LRBA: variants seen among roughly 807,000 people sequenced by gnomAD.
LRBA encodes lipopolysaccharide-responsive and beige-like anchor protein.
Under a neutral mutation model 330.0 loss-of-function variants are expected in LRBA, and 176 were observed. That is an observed-to-expected ratio of 0.53 (90% CI 0.47 to 0.60). The LOEUF is 0.60. LRBA is among the 20% of genes least tolerant of loss of function. The pLI, the probability that LRBA is intolerant of heterozygous loss-of-function variation, is 0.00. For synonymous variants in LRBA, 1,230 were observed against 1,193.0 expected (o/e 1.03, Z -0.64); for missense variants, 3,259 against 3,444.8 (o/e 0.95, Z 1.35).
chr4:150,558,320 G>A (rs1234213563), intron 40 of LRBA, among the ~76,000 whole-genome samples: 1 of 152,118 alleles, frequency 6.6e-6, no homozygotes, highest in Admixed American at 6.6e-5. Flanking sequence ...TTCTATAAGG[G>A]AGATTTAACT....
intron 37 of LRBA, among the ~76,000 whole-genome samples, chr4:150,601,766 A>C (rs1774140330): frequency 6.6e-6 from 1 of 151,286 alleles, no homozygotes; most frequent in African/African-American, 2.4e-5. Context: ...ATCTCTGCTC[A>C]CTGCAAGCTC....
intron 40 of LRBA, among the ~76,000 whole-genome samples, chr4:150,506,034 T>C (rs1005216011): frequency 1.3e-5 from 2 of 152,132 alleles, no homozygotes; most frequent in African/African-American, 2.4e-5. Context: ...CAGGAAGAAG[T>C]TGAATCTCTG....
At chr4:150,693,563 CAAAAAAAA>C (rs70941428) in intron 36 of LRBA, among the ~76,000 whole-genome samples, 1 of 52,710 alleles carries the variant, frequency 1.9e-5, no homozygotes, top group Non-Finnish European at 3.5e-5. Flanking sequence ...GACTCCGTCT[CAAAAAAAA>C]AAAAAAAAAA....
intron 37 of LRBA, among the ~76,000 whole-genome samples, chr4:150,659,107 T>C (rs1347164959): frequency 7.3e-6 from 1 of 136,662 alleles, no homozygotes; most frequent in African/African-American, 2.6e-5. Flanking sequence ...CCTCCCAAAG[T>C]GCCGAGATTG....
rs148247749 is a variant in LRBA, at chr4:150,413,697, G to A, written c.7194+1741C>T. On this transcript the variant is annotated intron_variant, in intron 47 of 56. Transcript: ENST00000651943. The stretch of plus-strand genomic sequence containing the variant: ...GAGTGTTCTAAAGCTGGAATGTAGT[G>A]GCAGTTACATAACTGTATACACTTA... Among the ~76,000 whole-genome samples, 627 of 152,200 alleles carry A rather than the reference G, an allele frequency of 4.1e-3. 4 individuals are homozygous for A. The highest frequency in any genetic ancestry group is 0.014 in the African/African-American group (563 of 41,532).
intron 38 of LRBA, chr4:150,597,071 C>T: frequency 7.6e-7 from 1 of 1,317,070 alleles, no homozygotes; most frequent in Non-Finnish European, 1.1e-6. Flanking sequence ...TAAAATATTA[C>T]TCAATGCTTA....
chr4:150,458,489 T>C (rs1754361815), intron 44 of LRBA, among the ~76,000 whole-genome samples: 1 of 151,846 alleles, frequency 6.6e-6, no homozygotes, highest in Non-Finnish European at 1.5e-5. Context: ...CACAGTTTGC[T>C]ACCTAGGATC....
intron 53 of LRBA, among the ~76,000 whole-genome samples, chr4:150,292,315 A>G (rs2126805165): frequency 6.6e-6 from 1 of 152,330 alleles, no homozygotes; most frequent in African/African-American, 2.4e-5. Flanking sequence ...GCAAACTTGT[A>G]GTTACTTTAT....
At chr4:150,747,176 T>C (rs1054844315) in intron 35 of LRBA, among the ~76,000 whole-genome samples, 1 of 152,188 alleles carries the variant, frequency 6.6e-6, no homozygotes, top group African/African-American at 2.4e-5. Flanking sequence ...CTGTTGCTAC[T>C]GTCCCAGGAA....
At chr4:150,626,406 GTTA>G (rs1401644548) in intron 37 of LRBA, among the ~76,000 whole-genome samples, 1 of 152,128 alleles carries the variant, frequency 6.6e-6, no homozygotes, top group Non-Finnish European at 1.5e-5. Context: ...TTAATAGCTT[GTTA>G]TTAAGATGTT....
intron 38 of LRBA, among the ~76,000 whole-genome samples, chr4:150,598,333 C>T (rs759327308): frequency 5.7e-4 from 86 of 151,946 alleles, no homozygotes; most frequent in Admixed American, 8.5e-4. Flanking sequence ...GTATCAAATC[C>T]AAAGGAAATT....
chr4:150,346,757 C>CAAAAAA lies in LRBA; in HGVS notation c.7362+3229_7362+3234dup, dbSNP rs57119340. 2.6e-4 allele frequency among the ~76,000 whole-genome samples: 17 copies of CAAAAAA among 66,152 alleles called. 2 individuals are homozygous for CAAAAAA. Among genetic ancestry groups the CAAAAAA allele is most frequent in the African/African-American group, 1.0e-3 (13 of 12,892 alleles). The allele number at this position is 66,152 out of a possible 152,430, so 43.4% of individuals were successfully genotyped here. On this transcript the variant is annotated intron_variant, in intron 48 of 56. Transcript: ENST00000651943. ...CTGGCAACAATGTGAGACTCTGTCTCAAAAAAAAAAAAAAAAAAAAAAAAA... is the reference window on the plus strand; with the variant it reads ...CTGGCAACAATGTGAGACTCTGTCTCAAAAAAAAAAAAAAAAAAAAAAAAAAAAAAA...
At chr4:150,297,630 G>A (rs570221831) in intron 53 of LRBA, among the ~76,000 whole-genome samples, 53 of 152,134 alleles carry the variant, frequency 3.5e-4, no homozygotes, top group Non-Finnish European at 6.8e-4. Context: ...TCATATCCAG[G>A]TATAAAATGG....
chr4:150,768,989 G>A (rs1170611169), intron 34 of LRBA, among the ~76,000 whole-genome samples: 2 of 136,776 alleles, frequency 1.5e-5, no homozygotes, highest in African/African-American at 2.7e-5. Context: ...CCAGGCTGGA[G>A]AGCAGTGGCG....
At chr4:150,386,656 C>T (rs1469890099) in intron 47 of LRBA, among the ~76,000 whole-genome samples, 1 of 152,114 alleles carries the variant, frequency 6.6e-6, no homozygotes, top group East Asian at 1.9e-4. Flanking sequence ...TTTTCTTTAT[C>T]CAGTCTATCA....
At chr4:150,492,223 T>C (rs1055250045) in intron 40 of LRBA, among the ~76,000 whole-genome samples, 2 of 151,412 alleles carry the variant, frequency 1.3e-5, no homozygotes, top group Admixed American at 6.6e-5. Flanking sequence ...AGTAAGTATG[T>C]ATTTCAGTCT....
chr4:150,824,828 G>C (rs1000614565), intron 30 of LRBA, among the ~76,000 whole-genome samples: 1 of 152,194 alleles, frequency 6.6e-6, no homozygotes, highest in African/African-American at 2.4e-5. Context: ...AGGCTGGAGT[G>C]CAGTGGCATG....
intron 36 of LRBA, among the ~76,000 whole-genome samples, chr4:150,689,954 G>C (rs1485249828): frequency 6.6e-6 from 1 of 151,302 alleles, no homozygotes; most frequent in Non-Finnish European, 1.5e-5. Context: ...ATTTACAACA[G>C]CATGAAAAAT....
chr4:151,014,691 C>T lies in LRBA; in HGVS notation c.-49G>A. 3 of 1,301,372 alleles carry T rather than the reference C, an allele frequency of 2.3e-6. No homozygotes were observed. The highest frequency in any genetic ancestry group is 2.2e-6 in the Non-Finnish European group (2 of 929,956). 80.6% of individuals were successfully genotyped at this position (1,301,372 alleles called of 1,614,324 possible). ...CTCAGAGTCACCCTGGGACGGCAGT[C>T]GCTGCACTGGTAATGAGCACAACAC... On this transcript the variant is annotated 5_prime_UTR_variant, in exon 2 of 57. Transcript: ENST00000651943.
Sources: gnomAD v4.1 joint callset for allele counts (sites outside exome capture counted in the v4.1 genomes callset) on GRCh38, gnomAD v4.1.1 for gene constraint, MANE v1.5 for transcripts, NCBI Gene and HGNC (gene_info 2026-07-23, HGNC 2026-07-21) for gene names.